Variants in ITGB7 observed in about 807,000 individuals in gnomAD.
ITGB7 encodes the protein integrin beta-7.
In ITGB7, 55 loss-of-function variants were observed where a neutral mutation model predicts 83.4. The ratio of observed to expected loss-of-function variants is 0.66; its 90% CI spans 0.53 to 0.83. ITGB7 has a LOEUF of 0.83. Ranked by LOEUF, ITGB7 falls within the 40% of genes least tolerant of loss-of-function variation. The probability of loss-of-function intolerance (pLI) is 0.00; values close to 1 mark genes in which losing one functional copy is unlikely to be tolerated. For missense variants in ITGB7, 921 were observed against 1,046.7 expected (o/e 0.88, Z 1.66); for synonymous variants, 454 against 423.6 (o/e 1.07, Z -0.88).
intron 1 of ITGB7, among the ~76,000 whole-genome samples, chr12:53,202,067 A>ATGGGGC (rs1942333565): frequency 6.6e-6 from 1 of 152,198 alleles, no homozygotes; most frequent in South Asian, 2.1e-4. Flanking sequence ...TCTTCAAAAA[A>ATGGGGC]TGGGGCTGGG....
chr12:53,192,283 C>T (rs745771520), intron 14 of ITGB7, 47 bp downstream of exon 14: 2 of 1,580,262 alleles, frequency 1.3e-6, no homozygotes, highest in Non-Finnish European at 1.7e-6. Flanking sequence ...AGAGTTGAGA[C>T]CCTGCCCATC....
At position 53,193,201 on chromosome 12, in the gene ITGB7, A is replaced by G. The variant is rs750957104; in HGVS notation, c.1665T>C (p.Ser555=). The G allele has an allele frequency of 5.6e-6, 9 of 1,614,018 alleles. No homozygotes were observed. The Admixed American group carries it at 1.5e-4, about 27-fold the overall frequency. ...CATCGTCACACTCGCACAGATGCCC[A>G]GAGCTCTGTCCACTGCAGCTGCAGC... ...CGRCSCSGQS[S]GHLCECDDAS... Residue 555 remains serine, a synonymous_variant, in exon 12 of 16, where the codon TCT becomes TCC. Coordinates refer to ENST00000267082, the MANE Select transcript of ITGB7 (RefSeq NM_000889.3).
chr12:53,205,682 C>T (rs1164036432), intron 1 of ITGB7, among the ~76,000 whole-genome samples: 5 of 152,136 alleles, frequency 3.3e-5, no homozygotes, highest in African/African-American at 1.2e-4. Context: ...TTGTACTGGT[C>T]CACATTCCCA....
rs138906570 is a variant in ITGB7, at chr12:53,205,874, C to T, written c.-127+1328G>A. 3.1e-3 allele frequency among the ~76,000 whole-genome samples: 471 copies of T among 152,262 alleles called. 2 individuals are homozygous for T. The highest frequency in any genetic ancestry group is 0.011 in the African/African-American group (450 of 41,558). ...CTGTGACCTCAGGCGCCATATATAACGGAGCCTCCACCCCTCGGGGAGAGG... is the reference window on the plus strand; with the variant it reads ...CTGTGACCTCAGGCGCCATATATAATGGAGCCTCCACCCCTCGGGGAGAGG... On this transcript the variant is annotated intron_variant, in intron 1 of 15. Coordinates refer to ENST00000267082, the MANE Select transcript of ITGB7 (RefSeq NM_000889.3).
At position 53,192,757 on chromosome 12, in the gene ITGB7, A is replaced by G. The variant is rs1458542063; in HGVS notation, c.1880T>C (p.Leu627Ser). 2 of 1,614,240 alleles carry G rather than the reference A, an allele frequency of 1.2e-6. No homozygotes were observed. Among genetic ancestry groups the G allele is most frequent in the Admixed American group, 1.7e-5 (1 of 60,028 alleles). Residue 627 changes from leucine to serine, a missense_variant, in exon 13 of 16, where the codon TTG (leucine) becomes TCG (serine). Transcript: ENST00000267082. ...GRCKCNRCQC[L>S]DGYYGALCDQ... ...GCATAGAGCACCATAGTAGCCGTCC[A>G]AGCACTGGCAGCGGTTGCATTTGCA...
Position 53,193,321 on chromosome 12 carries a change from C to G in ITGB7, c.1545G>C (p.Val515=). Residue 515 remains valine, a synonymous_variant, in exon 12 of 16, where the codon GTG becomes GTC. Transcript: ENST00000267082. ...CCAGGTCTGGGGAGGACAGCTCTGCCACAGAGCACTCACAGAGCCGACCTA... is the reference window on the plus strand; with the variant it reads ...CCAGGTCTGGGGAGGACAGCTCTGCGACAGAGCACTCACAGAGCCGACCTA... The part of the protein sequence containing the change: ...GRLGRLCECS[V]AELSSPDLES... 1 of 1,607,050 alleles carries G rather than the reference C, an allele frequency of 6.2e-7. No homozygotes were observed. The highest frequency in any genetic ancestry group is 8.5e-7 in the Non-Finnish European group (1 of 1,174,936).
chr12:53,194,562 G>T, intron 9 of ITGB7: 2 of 498,026 alleles, frequency 4.0e-6, no homozygotes, highest in Admixed American at 3.2e-5. Flanking sequence ...CAGCATTTCA[G>T]TGCAGCTGCC....
At chr12:53,192,107 C>A in intron 14 of ITGB7, 88 bp from the exon 15 acceptor site, 2 of 1,479,966 alleles carry the variant, frequency 1.4e-6, no homozygotes, top group East Asian at 2.4e-5. Context: ...CCTGTCCAAC[C>A]CTGTCTGTCA....
intron 1 of ITGB7, among the ~76,000 whole-genome samples, chr12:53,203,715 T>C (rs144008532): frequency 0.019 from 2,646 of 142,342 alleles, 28 homozygotes; most frequent in Non-Finnish European, 0.028. Context: ...CACAATGAGA[T>C]ACCACTTCAC....
intron 3 of ITGB7, among the ~76,000 whole-genome samples, chr12:53,199,953 A>G (rs1942284729): frequency 6.6e-6 from 1 of 152,228 alleles, no homozygotes; most frequent in African/African-American, 2.4e-5. Flanking sequence ...TCCCACAAGC[A>G]CATACTTTCT....
intron 7 of ITGB7, 52 bp from the exon 8 acceptor site, chr12:53,195,773 TG>T (rs1416849127): frequency 6.9e-7 from 1 of 1,451,548 alleles, no homozygotes; most frequent in Non-Finnish European, 9.7e-7. Flanking sequence ...CCCCACAACA[TG>T]CAAGGTGCCC....
rs1276920134 is a variant in ITGB7 at position 53,196,768 on chromosome 12, G to A, written c.627C>T (p.Pro209=). The change falls in exon 6 of 16, where the codon CCC becomes CCT. Residue 209 remains proline (P), a synonymous_variant. Coordinates refer to ENST00000267082, the MANE Select transcript of ITGB7 (RefSeq NM_000889.3). ...TGGGGCAGGGGTGGCGCAGTTTGGA[G>A]GGTACTGTGCTCACAAAGGGCAGCA... ...KTVLPFVSTV[P]SKLRHPCPTR... 2 of 1,613,474 alleles carry A rather than the reference G, an allele frequency of 1.2e-6. No homozygotes were observed. The highest frequency in any genetic ancestry group is 1.1e-5 in the South Asian group (1 of 91,020).
rs560265209 is a variant in ITGB7 at position 53,191,385 on chromosome 12, C to T, written c.*171G>A. Reference sequence around the variant, plus strand: ...GCCCAGATGGATGCAAGGTTGCAGGCATGGGAAGCAGCCCTCTTGGGTGTC... The same window carrying T: ...GCCCAGATGGATGCAAGGTTGCAGGTATGGGAAGCAGCCCTCTTGGGTGTC... On this transcript the variant is annotated 3_prime_UTR_variant, in exon 16 of 16. Coordinates refer to ENST00000267082, the MANE Select transcript of ITGB7 (RefSeq NM_000889.3). 3 of 637,472 alleles carry T rather than the reference C, an allele frequency of 4.7e-6. No homozygotes were observed. The highest frequency in any genetic ancestry group is 2.8e-5 in the East Asian group (1 of 36,276). 39.5% of individuals were successfully genotyped at this position (637,472 alleles called of 1,614,324 possible). A position where few individuals can be genotyped will look rare whatever the true frequency, so the allele number is the denominator to read the frequency against.
chr12:53,192,067 C>T lies in ITGB7; in HGVS notation c.2156-48G>A, dbSNP rs1262028490. ...ACTTGTGGGAGCTGGAGCATAGGGA[C>T]AGATCATCAGTTGCTCACAGTGTGT... On this transcript the variant is annotated intron_variant, in intron 14 of 15. Coordinates refer to ENST00000267082, the MANE Select transcript of ITGB7 (RefSeq NM_000889.3). The T allele has an allele frequency of 4.4e-6, 7 of 1,588,360 alleles. No individual in the cohort carries two copies. The South Asian group carries it at 4.5e-5, about 10-fold the overall frequency.
rs1245737869 is a variant in ITGB7, at chr12:53,197,559, G to C, written c.508C>G (p.Arg170Gly). Reference protein sequence around the residue: ...LSYSMKDDLERVRQLGHALLV... With the variant: ...LSYSMKDDLEGVRQLGHALLV... Reference sequence around the variant, plus strand: ...AGAGCGTGCCCGAGCTGGCGCACGCGTTCCAGGTCGTCCTTCATGGAGTAG... The same window carrying C: ...AGAGCGTGCCCGAGCTGGCGCACGCCTTCCAGGTCGTCCTTCATGGAGTAG... The change falls in exon 5 of 16, where the codon CGC becomes GGC. Residue 170 changes from arginine (R) to glycine (G), a missense_variant. Physicochemically the swap from Arg to Gly is moderately radical, Grantham distance 125. Transcript: ENST00000267082. 3 of 1,614,074 alleles carry C rather than the reference G, an allele frequency of 1.9e-6. No homozygotes were observed. The highest frequency in any genetic ancestry group is 1.3e-5 in the African/African-American group (1 of 74,926).
At chr12:53,199,359 C>T (rs1381651394) in intron 3 of ITGB7, among the ~76,000 whole-genome samples, 1 of 152,164 alleles carries the variant, frequency 6.6e-6, no homozygotes, top group Non-Finnish European at 1.5e-5. Flanking sequence ...CAAGCCTTTC[C>T]AGTCCCCCTC....
intron 5 of ITGB7, chr12:53,197,083 A>G (rs1942189176): frequency 1.8e-6 from 1 of 565,264 alleles, no homozygotes; most frequent in Non-Finnish European, 3.2e-6. Context: ...GGTATAGGAT[A>G]TGGTAGCAGC....
chr12:53,204,999 GT>G (rs2120539783), intron 1 of ITGB7, among the ~76,000 whole-genome samples: 1 of 151,620 alleles, frequency 6.6e-6, no homozygotes, highest in East Asian at 1.9e-4. Context: ...TAATTTTTGT[GT>G]TTTTAGTAGA....
rs1191542608 is a variant in ITGB7, at chr12:53,192,292, T to A, written c.2155+38A>T. ...ATCCCCAGAGTTGAGACCCTGCCCA[T>A]CAAACTTCCAGGGTTTGTGGCATCC... is the stretch of plus-strand genomic sequence containing the variant. On this transcript the variant is annotated intron_variant, in intron 14 of 15. Transcript: ENST00000267082. The A allele has an allele frequency of 1.9e-6, 3 of 1,601,538 alleles. No individual in the cohort carries two copies. The African/African-American group carries it at 4.0e-5, about 21-fold the overall frequency.
Sources: gnomAD v4.1 joint callset for allele counts (sites outside exome capture counted in the v4.1 genomes callset) on GRCh38, gnomAD v4.1.1 for gene constraint, MANE v1.5 for transcripts, NCBI Gene and HGNC (gene_info 2026-07-23, HGNC 2026-07-21) for gene names.